The following CPS1 variants were observed in gnomAD, a reference collection of about 807,000 sequenced individuals.
CPS1 encodes the protein carbamoyl-phosphate synthase 1, also known as carbamoyl-phosphate synthase [ammonia], mitochondrial.
In CPS1, 109 loss-of-function variants were observed where a neutral mutation model predicts 174.6. The observed-to-expected ratio is 0.62, with a 90% CI of 0.53 to 0.73. The LOEUF (loss-of-function observed/expected upper bound fraction) is 0.73. Ranked by LOEUF, CPS1 falls within the 30% of genes least tolerant of loss-of-function variation. CPS1 has a pLI of 0.00. For synonymous variants in CPS1, 637 were observed against 632.0 expected (o/e 1.01, Z -0.12); for missense variants, 1,689 against 1,821.9 (o/e 0.93, Z 1.33).
intron 6 of CPS1, among the ~76,000 whole-genome samples, chr2:210,586,835 T>G (rs191850082): frequency 2.0e-5 from 3 of 152,216 alleles, no homozygotes; most frequent in Non-Finnish European, 4.4e-5. Flanking sequence ...ATCAGGAGAT[T>G]ACATATATTT....
intron 35 of CPS1, 134 bp from the exon 36 acceptor site, chr2:210,675,594 C>T (rs1342666428): frequency 1.4e-6 from 1 of 707,800 alleles, no homozygotes; most frequent in Non-Finnish European, 2.6e-6. Context: ...GACTGTGAGT[C>T]CAAGTCTCTA....
chr2:210,622,645 G>A (rs1044758391), intron 21 of CPS1, among the ~76,000 whole-genome samples: 2 of 151,372 alleles, frequency 1.3e-5, no homozygotes, highest in African/African-American at 2.4e-5. Flanking sequence ...AGTATGTAAG[G>A]AATTCAACTA....
chr2:210,639,614 G>A (rs1403956959), intron 23 of CPS1, among the ~76,000 whole-genome samples: 2 of 86,272 alleles, frequency 2.3e-5, no homozygotes, highest in Admixed American at 1.9e-4. Context: ...GCGAGACTCC[G>A]TCTCAAAAAA....
At chr2:210,606,650 A>T in intron 17 of CPS1, 81 bp from the exon 18 acceptor site, 1 of 1,245,920 alleles carries the variant, frequency 8.0e-7, no homozygotes, top group African/African-American at 1.5e-5. Flanking sequence ...TATGTCTTGC[A>T]TCGTGCAAGT....
chr2:210,486,209 C>T (rs1694720097), intron 1 of CPS1, among the ~76,000 whole-genome samples: 1 of 151,322 alleles, frequency 6.6e-6, no homozygotes, highest in East Asian at 1.9e-4. Flanking sequence ...TTAGTCCCTT[C>T]CCCCATTCCC....
intron 21 of CPS1, among the ~76,000 whole-genome samples, chr2:210,629,765 C>T (rs1207928220): frequency 6.6e-6 from 1 of 150,522 alleles, no homozygotes; most frequent in Non-Finnish European, 1.5e-5. Flanking sequence ...AATTAAGAAC[C>T]ATGGGCCGGG....
chr2:210,621,415 T>G (rs1313245320), intron 21 of CPS1, among the ~76,000 whole-genome samples: 3 of 152,148 alleles, frequency 2.0e-5, no homozygotes, highest in Non-Finnish European at 2.9e-5. Flanking sequence ...TATAAATTTT[T>G]AGTGGAACCA....
intron 1 of CPS1, among the ~76,000 whole-genome samples, chr2:210,497,801 AC>A (rs2105958764): frequency 6.6e-6 from 1 of 150,500 alleles, no homozygotes; most frequent in Non-Finnish European, 1.5e-5. Context: ...CATTAAAGGC[AC>A]CTAGGTTGAT....
At position 210,540,485 on chromosome 2, in the gene CPS1, A is replaced by G. The variant is rs371378816; in HGVS notation, c.4-16234A>G. 7.2e-4 allele frequency among the ~76,000 whole-genome samples: 109 copies of G among 152,302 alleles called. 3 individuals carry two copies. The South Asian group carries it at 0.022, about 31-fold the overall frequency. On this transcript the variant is annotated intron_variant, in intron 1 of 38. Coordinates refer to the CPS1 transcript ENST00000430249. ...TGAAAAAATGTAATTGCTGTAAGGT[A>G]TGCACATTTTACATTTCACTGTATA... is the stretch of plus-strand genomic sequence containing the variant.
rs1328194301 is a variant in CPS1, at chr2:210,677,937, C to T, written c.4455C>T (p.Ser1485=). The T allele has an allele frequency of 6.2e-7, 1 of 1,613,898 alleles. No homozygotes were observed. Among genetic ancestry groups the T allele is most frequent in the Non-Finnish European group, 8.5e-7 (1 of 1,179,972 alleles). ...TGCAGAAATCTCGCAAGGTGGACTC[C>T]AAGAGTCTTTTCCACTACAGGCAGT... The part of the protein sequence containing the change: ...EAVQKSRKVD[S]KSLFHYRQYS... The change falls in exon 38 of 38, where the codon TCC becomes TCT. Residue 1485 remains serine (S), a synonymous_variant. Coordinates refer to ENST00000233072, the MANE Select transcript of CPS1 (RefSeq NM_001875.5).
chr2:210,524,555 T>G (rs1391682614), intron 1 of CPS1, among the ~76,000 whole-genome samples: 3 of 152,080 alleles, frequency 2.0e-5, no homozygotes, highest in South Asian at 2.1e-4. Flanking sequence ...TATTTTATGG[T>G]TTCTATACCC....
At position 210,608,689 on chromosome 2, in the gene CPS1, G is replaced by A. The variant is rs1035632194; in HGVS notation, c.2391+130G>A. ...GACAGTGTTAAAGGTGCAATTGACA[G>A]TGTTAAAGTTGCCTGAATATTAGCA... On this transcript the variant is annotated intron_variant, in intron 19 of 37. Coordinates refer to ENST00000233072, the MANE Select transcript of CPS1 (RefSeq NM_001875.5). The A allele has an allele frequency of 1.4e-5, 12 of 853,096 alleles. No individual in the cohort carries two copies. In the African/African-American group the frequency reaches 1.8e-4, roughly 13 times the overall value. The allele number at this position is 853,096 out of a possible 1,614,324, so 52.8% of individuals were successfully genotyped here.
intron 21 of CPS1, among the ~76,000 whole-genome samples, chr2:210,636,609 G>T (rs6750325): frequency 0.36 from 54,173 of 151,594 alleles, 10,666 homozygotes; most frequent in Middle Eastern, 0.48. Context: ...ACGAATAAAA[G>T]TTAGGAGACA....
At position 210,602,461 on chromosome 2, in the gene CPS1, C is replaced by T. The variant is rs550512546; in HGVS notation, c.1836+131C>T. On this transcript the variant is annotated intron_variant, in intron 16 of 37. Coordinates refer to ENST00000233072, the MANE Select transcript of CPS1 (RefSeq NM_001875.5). ...AAATCATGATCATGTTCTCCAAAAG[C>T]GTATTCCAAAAGATGACACTTTTGC... The T allele has an allele frequency of 3.4e-5, 40 of 1,187,454 alleles. No individual in the cohort carries two copies. The East Asian group carries it at 5.1e-4, about 15-fold the overall frequency. 73.6% of individuals were successfully genotyped at this position (1,187,454 alleles called of 1,614,324 possible).
At chr2:210,556,897 G>A in intron 1 of CPS1, 38 bp downstream of exon 1, 1 of 1,608,590 alleles carries the variant, frequency 6.2e-7, no homozygotes, top group South Asian at 1.1e-5. Context: ...AAAATACTAT[G>A]GGGTATAGTT....
At chr2:210,613,508 T>G (rs926055246) in intron 20 of CPS1, among the ~76,000 whole-genome samples, 1 of 151,846 alleles carries the variant, frequency 6.6e-6, no homozygotes, top group Non-Finnish European at 1.5e-5. Flanking sequence ...CTTCATCATT[T>G]ATTATCCCTA....
At chr2:210,590,257 G>A (rs777612515) in intron 8 of CPS1, 23 bp downstream of exon 8, 22 of 1,612,064 alleles carry the variant, frequency 1.4e-5, no homozygotes, top group Non-Finnish European at 1.7e-5. Flanking sequence ...TTGAATTCAT[G>A]TGTATCTGTG....
At chr2:210,585,577 G>A (rs563987761) in intron 6 of CPS1, among the ~76,000 whole-genome samples, 59 of 151,968 alleles carry the variant, frequency 3.9e-4, no homozygotes, top group African/African-American at 1.3e-3. Context: ...AGTGTGAATG[G>A]CCATAGGATT....
intron 1 of CPS1, among the ~76,000 whole-genome samples, chr2:210,525,528 C>G (rs941252979): frequency 6.6e-6 from 1 of 151,684 alleles, no homozygotes; most frequent in African/African-American, 2.4e-5. Flanking sequence ...GAACTTACAG[C>G]TTCTGCTTGA....
Sources: gnomAD v4.1 joint callset for allele counts (sites outside exome capture counted in the v4.1 genomes callset) on GRCh38, gnomAD v4.1.1 for gene constraint, MANE v1.5 for transcripts, NCBI Gene and HGNC (gene_info 2026-07-23, HGNC 2026-07-21) for gene names.